The following KIAA0825 variants were observed in gnomAD, a reference collection of about 807,000 sequenced individuals.
The protein encoded by KIAA0825 is uncharacterized protein KIAA0825.
In KIAA0825, 119 loss-of-function variants were observed where a neutral mutation model predicts 147.6. The observed-to-expected ratio is 0.81, with a 90% CI of 0.69 to 0.94. The LOEUF (loss-of-function observed/expected upper bound fraction) is 0.94, where lower values mean the gene tolerates loss of function less well. KIAA0825 is among the 40% of genes least tolerant of loss of function. The pLI, the probability that KIAA0825 is intolerant of heterozygous loss-of-function variation, is 0.00. For missense variants in KIAA0825, 1,381 were observed against 1,472.7 expected (o/e 0.94, Z 1.02); for synonymous variants, 470 against 518.1 (o/e 0.91, Z 1.26).
intron 16 of KIAA0825, among the ~76,000 whole-genome samples, chr5:94,401,171 A>G (rs1584383696): frequency 6.6e-6 from 1 of 152,204 alleles, no homozygotes; most frequent in South Asian, 2.1e-4. Context: ...TTAAGGCTCA[A>G]TACTGGCTTA....
chr5:94,265,818 A>G (rs969116210), intron 20 of KIAA0825, among the ~76,000 whole-genome samples: 3 of 152,126 alleles, frequency 2.0e-5, no homozygotes, highest in African/African-American at 7.2e-5. Flanking sequence ...GCAAACAAAC[A>G]AACAAACCTT....
At chr5:94,429,390 T>C (rs1755344495) in intron 14 of KIAA0825, among the ~76,000 whole-genome samples, 1 of 151,184 alleles carries the variant, frequency 6.6e-6, no homozygotes, top group Non-Finnish European at 1.5e-5. Flanking sequence ...GTTTTTTTTT[T>C]CTTTCCCTTT....
intron 1 of KIAA0825, chr5:94,593,427 T>C (rs1160762232): frequency 3.2e-5 from 25 of 772,272 alleles, no homozygotes; most frequent in Admixed American, 6.2e-5. Flanking sequence ...AACTTGTTTT[T>C]GACACCACAG....
intron 2 of KIAA0825, among the ~76,000 whole-genome samples, chr5:94,581,482 G>A (rs550850781): frequency 3.9e-5 from 6 of 152,116 alleles, no homozygotes; most frequent in Non-Finnish European, 7.4e-5. Flanking sequence ...TTGACATTAA[G>A]GTTGTGACAC....
intron 20 of KIAA0825, among the ~76,000 whole-genome samples, chr5:94,265,285 C>G (rs769499180): frequency 3.7e-4 from 56 of 152,172 alleles, no homozygotes; most frequent in Non-Finnish European, 1.9e-4. Context: ...CAGTGATTCT[C>G]AGAGTGAGGT....
At chr5:94,548,749 A>C (rs948555605) in intron 2 of KIAA0825, among the ~76,000 whole-genome samples, 3 of 152,166 alleles carry the variant, frequency 2.0e-5, no homozygotes, top group African/African-American at 7.2e-5. Flanking sequence ...GGAAACAAAC[A>C]AACAAACAAA....
At chr5:94,535,824 G>A (rs1771891702) in intron 3 of KIAA0825, among the ~76,000 whole-genome samples, 1 of 152,180 alleles carries the variant, frequency 6.6e-6, no homozygotes, top group Non-Finnish European at 1.5e-5. Context: ...GCTAACACAG[G>A]TGGTTTCCCC....
Position 94,428,143 on chromosome 5 carries a change from TTGTGTGTGTGTGTGTGTG to T in KIAA0825, c.2498-10796_2498-10779del, listed in dbSNP as rs61572627. Among the ~76,000 whole-genome samples the T allele has an allele frequency of 1.3e-3, 169 of 134,582 alleles. 1 individual carries two copies. Among genetic ancestry groups the T allele is most frequent in the Middle Eastern group, 7.4e-3 (2 of 270 alleles). The allele number at this position is 134,582 out of a possible 152,430, so 88.3% of individuals were successfully genotyped here. On this transcript the variant is annotated intron_variant, in intron 14 of 20. Transcript: ENST00000682413. ...GGAGACAGCAGAGGATAAGGTCTTGTTGTGTGTGTGTGTGTGTGTGTGTGTGTGTGTGTGTGTGTGTGT... is the reference window on the plus strand; with the variant it reads ...GGAGACAGCAGAGGATAAGGTCTTGTTGTGTGTGTGTGTGTGTGTGTGTGT...
chr5:94,465,501 C>T (rs373334711), intron 10 of KIAA0825, among the ~76,000 whole-genome samples: 5 of 152,116 alleles, frequency 3.3e-5, no homozygotes, highest in East Asian at 1.9e-4. Flanking sequence ...TTTCAGATTT[C>T]GCATTATAAT....
At chr5:94,300,611 A>T (rs550235742) in intron 20 of KIAA0825, among the ~76,000 whole-genome samples, 33 of 152,248 alleles carry the variant, frequency 2.2e-4, no homozygotes, top group Non-Finnish European at 3.8e-4. Context: ...TAATGTTTAT[A>T]AAAAAACTTC....
chr5:94,369,305 G>A (rs553261446), intron 20 of KIAA0825, among the ~76,000 whole-genome samples: 1 of 152,092 alleles, frequency 6.6e-6, no homozygotes, highest in Non-Finnish European at 1.5e-5. Context: ...ATATCATTGG[G>A]CCTAATCCAT....
intron 20 of KIAA0825, among the ~76,000 whole-genome samples, chr5:94,266,078 T>G (rs1277364244): frequency 6.6e-6 from 1 of 152,148 alleles, no homozygotes; most frequent in Non-Finnish European, 1.5e-5. Flanking sequence ...AAAAAACAAC[T>G]GACAGGTATT....
chr5:94,214,083 T>A (rs1356796657), intron 20 of KIAA0825, among the ~76,000 whole-genome samples: 1 of 152,132 alleles, frequency 6.6e-6, no homozygotes, highest in Non-Finnish European at 1.5e-5. Context: ...CTCAAACTCC[T>A]GGCGTCAAGG....
chr5:94,353,532 C>A (rs191681609), intron 20 of KIAA0825, among the ~76,000 whole-genome samples: 115 of 152,096 alleles, frequency 7.6e-4, no homozygotes, highest in Non-Finnish European at 1.2e-3. Flanking sequence ...TATATAATTA[C>A]TAAGTTAAAA....
intron 2 of KIAA0825, chr5:94,569,665 C>A (rs1185205152): frequency 2.9e-6 from 1 of 347,762 alleles, no homozygotes; most frequent in South Asian, 1.5e-4. Context: ...CCTGCCTAAC[C>A]ATTCAAATGA....
Position 94,523,969 on chromosome 5 carries a change from G to C in KIAA0825, c.261C>G (p.Phe87Leu). ...ATTTTATCAAGTCTCCATGAGAAAT[G>C]AAAGATGATTCAGATGTACTGTAAT... The part of the protein sequence containing the change: ...NYNYSTSESS[F>L]ISHGDLIKFF... The change falls in exon 4 of 21, where the codon TTC (phenylalanine) becomes TTG (leucine). Residue 87 changes from phenylalanine (F) to leucine (L), a missense_variant. Phe to Leu is a conservative substitution (Grantham distance 22). Transcript: ENST00000682413. 1.2e-6 allele frequency: 2 copies of C among 1,602,202 alleles called. No homozygotes were observed. Among genetic ancestry groups the C allele is most frequent in the Non-Finnish European group, 1.7e-6 (2 of 1,174,310 alleles).
At chr5:94,374,856 A>G (rs1392579892) in intron 20 of KIAA0825, among the ~76,000 whole-genome samples, 7 of 152,092 alleles carry the variant, frequency 4.6e-5, no homozygotes, top group Admixed American at 4.6e-4. Flanking sequence ...TCTCTCTCCT[A>G]AAATCCTCTT....
chr5:94,171,595 C>T (rs981001026), intron 20 of KIAA0825, among the ~76,000 whole-genome samples: 1 of 152,096 alleles, frequency 6.6e-6, no homozygotes, highest in African/African-American at 2.4e-5. Context: ...GTGAATGACC[C>T]ATCTTCAGGA....
chr5:94,523,972 A>G lies in KIAA0825; in HGVS notation c.258T>C (p.Ser86=). The change falls in exon 4 of 21, where the codon TCT becomes TCC. Residue 86 remains serine (S), a synonymous_variant. Transcript: ENST00000682413. The part of the protein sequence containing the change: ...TNYNYSTSES[S]FISHGDLIKF... ...TTATCAAGTCTCCATGAGAAATGAA[A>G]GATGATTCAGATGTACTGTAATTAT... 6.2e-7 allele frequency: 1 copy of G among 1,603,646 alleles called. No individual in the cohort carries two copies. The highest frequency in any genetic ancestry group is 8.5e-7 in the Non-Finnish European group (1 of 1,174,816).
Sources: gnomAD v4.1 joint callset for allele counts (sites outside exome capture counted in the v4.1 genomes callset) on GRCh38, gnomAD v4.1.1 for gene constraint, MANE v1.5 for transcripts, NCBI Gene and HGNC (gene_info 2026-07-23, HGNC 2026-07-21) for gene names.